Variants in SH3BGRL2 observed in about 807,000 individuals in gnomAD.
SH3BGRL2 encodes SH3 domain binding glutamate rich protein like 2.
SH3BGRL2 carries 21 observed loss-of-function variants against 14.8 expected under a neutral mutation model. The observed-to-expected ratio is 1.42, with a 90% CI of 1.01 to 2.05. SH3BGRL2 has a LOEUF of 2.05. SH3BGRL2 is among the 30% of genes most tolerant of loss of function. The pLI, the probability that SH3BGRL2 is intolerant of heterozygous loss-of-function variation, is 0.00. For missense variants in SH3BGRL2, 147 were observed against 130.8 expected, an observed-to-expected ratio of 1.12 and a Z score of -0.61; for synonymous variants, 50 against 47.8, an observed-to-expected ratio of 1.05 and a Z score of -0.19.
intron 1 of SH3BGRL2, among the ~76,000 whole-genome samples, chr6:79,658,069 C>T (rs1769460639): frequency 6.6e-6 from 1 of 152,156 alleles, no homozygotes. Flanking sequence ...TTCCTTTAAA[C>T]TGAAGAACAG....
intron 1 of SH3BGRL2, among the ~76,000 whole-genome samples, chr6:79,667,128 A>C (rs780239692): frequency 1.5e-4 from 23 of 152,182 alleles, no homozygotes; most frequent in Non-Finnish European, 2.8e-4. Flanking sequence ...ATATTTTGTG[A>C]ATTGGGCAGC....
the SH3BGRL2 span, among the ~76,000 whole-genome samples, chr6:79,600,150 A>G: frequency 6.6e-6 from 1 of 152,292 alleles, no homozygotes; most frequent in African/African-American, 2.4e-5. Flanking sequence ...ATTATTCTAT[A>G]AAATCCCTAG....
the SH3BGRL2 span, among the ~76,000 whole-genome samples, chr6:79,586,789 C>T: frequency 6.6e-6 from 1 of 152,184 alleles, no homozygotes; most frequent in African/African-American, 2.4e-5. Flanking sequence ...TGCTGTCTTC[C>T]ATCACCCTTC....
chr6:79,573,589 G>T, the SH3BGRL2 span, among the ~76,000 whole-genome samples: 2 of 152,046 alleles, frequency 1.3e-5, no homozygotes, highest in Admixed American at 6.6e-5. Context: ...AAGGAAAATT[G>T]ATATCTTTAT....
the SH3BGRL2 span, among the ~76,000 whole-genome samples, chr6:79,626,303 G>A: frequency 5.9e-5 from 9 of 152,226 alleles, no homozygotes; most frequent in Non-Finnish European, 1.2e-4. Flanking sequence ...ACTTCAAACT[G>A]CTTAAAAGAA....
At chr6:79,650,652 G>A (rs1769271243) in intron 1 of SH3BGRL2, among the ~76,000 whole-genome samples, 1 of 152,098 alleles carries the variant, frequency 6.6e-6, no homozygotes, top group Non-Finnish European at 1.5e-5. Context: ...GGGGAGACAA[G>A]AGTGAGAACT....
At chr6:79,692,643 G>A (rs1770246039) in intron 2 of SH3BGRL2, among the ~76,000 whole-genome samples, 2 of 152,078 alleles carry the variant, frequency 1.3e-5, no homozygotes, top group South Asian at 4.1e-4. Flanking sequence ...TTTTTGTCAG[G>A]TTTGTCAAAG....
the SH3BGRL2 span, among the ~76,000 whole-genome samples, chr6:79,606,817 G>GCTTT: frequency 6.6e-6 from 1 of 151,482 alleles, no homozygotes; most frequent in Non-Finnish European, 1.5e-5. Flanking sequence ...GTGCATTCTT[G>GCTTT]CTTTCTTTCT....
intron 1 of SH3BGRL2, among the ~76,000 whole-genome samples, chr6:79,641,721 A>G (rs1403726508): frequency 1.3e-5 from 2 of 152,218 alleles, no homozygotes; most frequent in Non-Finnish European, 2.9e-5. Flanking sequence ...TTTCTGTATC[A>G]TAATCATCTT....
At chr6:79,595,606 G>A in the SH3BGRL2 span, among the ~76,000 whole-genome samples, 6 of 152,108 alleles carry the variant, frequency 3.9e-5, no homozygotes, top group Admixed American at 3.9e-4. Context: ...CACAGAAAAT[G>A]CATTTGACAA....
At chr6:79,630,438 TCAAA>T (rs1371448955), upstream of SH3BGRL2, among the ~76,000 whole-genome samples, 1 of 152,188 alleles carries the variant, frequency 6.6e-6, no homozygotes, top group African/African-American at 2.4e-5. Context: ...TGAGCTTTTG[TCAAA>T]CAGAAAGCAC....
the SH3BGRL2 span, among the ~76,000 whole-genome samples, chr6:79,571,133 T>TA: frequency 1.3e-5 from 2 of 152,240 alleles, no homozygotes; most frequent in Non-Finnish European, 2.9e-5. Flanking sequence ...CTTTGTTCTG[T>TA]AATCAAGAAT....
intron 1 of SH3BGRL2, among the ~76,000 whole-genome samples, chr6:79,631,832 TCC>T (rs757437755): frequency 2.6e-5 from 4 of 152,140 alleles, no homozygotes; most frequent in African/African-American, 7.2e-5. Context: ...GCTTCGGGGA[TCC>T]CCCTTCCCCT....
chr6:79,586,235 CTTTTTTTTT>C, the SH3BGRL2 span, among the ~76,000 whole-genome samples: 307 of 54,970 alleles, frequency 5.6e-3, 3 homozygotes, highest in African/African-American at 0.022. Context: ...GTATGGACTT[CTTTTTTTTT>C]TTTTTTTTTT....
At chr6:79,576,213 A>G in the SH3BGRL2 span, among the ~76,000 whole-genome samples, 1 of 152,106 alleles carries the variant, frequency 6.6e-6, no homozygotes, top group Non-Finnish European at 1.5e-5. Flanking sequence ...TCATTTTATG[A>G]CATCTCTTTG....
intron 1 of SH3BGRL2, among the ~76,000 whole-genome samples, chr6:79,652,567 G>T (rs1769317502): frequency 6.6e-6 from 1 of 152,056 alleles, no homozygotes; most frequent in Non-Finnish European, 1.5e-5. Context: ...GGCCCAGATG[G>T]AGCATGGAGT....
the SH3BGRL2 span, among the ~76,000 whole-genome samples, chr6:79,568,718 G>GT: frequency 6.6e-6 from 1 of 151,978 alleles, no homozygotes; most frequent in African/African-American, 2.4e-5. Flanking sequence ...TTCTTTTCTT[G>GT]TTTTTTACTC....
chr6:79,597,676 C>T, the SH3BGRL2 span, among the ~76,000 whole-genome samples: 1 of 152,068 alleles, frequency 6.6e-6, no homozygotes, highest in Admixed American at 6.6e-5. Context: ...AAAACATAAG[C>T]AAAAATCTTC....
intron 2 of SH3BGRL2, among the ~76,000 whole-genome samples, chr6:79,677,452 CA>C (rs1769907426): frequency 6.6e-6 from 1 of 152,122 alleles, no homozygotes; most frequent in South Asian, 2.1e-4. Flanking sequence ...CATGACCAAT[CA>C]GTTTTTTCTA....
Sources: gnomAD v4.1 joint callset for allele counts (sites outside exome capture counted in the v4.1 genomes callset) on GRCh38, gnomAD v4.1.1 for gene constraint, MANE v1.5 for transcripts, NCBI Gene and HGNC (gene_info 2026-07-23, HGNC 2026-07-21) for gene names.